The following SUSD3 variants were observed in gnomAD, a reference collection of about 807,000 sequenced individuals.
SUSD3 encodes sushi domain-containing protein 3.
A neutral mutation model predicts 20.6 loss-of-function variants in SUSD3; 18 were observed. The ratio of observed to expected loss-of-function variants is 0.87; its 90% CI spans 0.60 to 1.30. SUSD3 has a LOEUF of 1.30. Among genes scored for constraint, SUSD3 ranks in the 50% most tolerant of loss-of-function variants. The probability of loss-of-function intolerance (pLI) is 0.00; values close to 1 mark genes in which losing one functional copy is unlikely to be tolerated. For missense variants in SUSD3, 306 were observed against 346.9 expected, an observed-to-expected ratio of 0.88 and a Z score of 0.94; for synonymous variants, 137 against 141.5, an observed-to-expected ratio of 0.97 and a Z score of 0.23.
chr9:93,072,430 TG>T (rs555344127), intron 1 of SUSD3, among the ~76,000 whole-genome samples: 18 of 152,326 alleles, frequency 1.2e-4, no homozygotes, highest in African/African-American at 4.1e-4. Context: ...CATCCTTCAC[TG>T]TCACTACCAT....
chr9:93,058,781 G>A lies in SUSD3; in HGVS notation c.39G>A (p.Arg13=). 2 of 1,240,406 alleles carry A rather than the reference G, an allele frequency of 1.6e-6. No individual in the cohort carries two copies. The highest frequency in any genetic ancestry group is 3.5e-5 in the South Asian group (1 of 28,246). 76.8% of individuals were successfully genotyped at this position (1,240,406 alleles called of 1,614,324 possible). A position where few individuals can be genotyped will look rare whatever the true frequency, so the allele number is the denominator to read the frequency against. The change falls in exon 1 of 5, where the codon AGG becomes AGA. Residue 13 remains arginine, a synonymous_variant. Coordinates refer to ENST00000375472, the MANE Select transcript of SUSD3 (RefSeq NM_145006.4). ...CCGCCACCCTCCGTGGCAAGGCGAGGCCCCGGGGGCGGGCCGGGGTCACCA... is the reference window on the plus strand; with the variant it reads ...CCGCCACCCTCCGTGGCAAGGCGAGACCCCGGGGGCGGGCCGGGGTCACCA... ...WAAATLRGKA[R]PRGRAGVTTP...
chr9:93,074,638 T>TTTTTA (rs1826054059), intron 1 of SUSD3, among the ~76,000 whole-genome samples: 1 of 146,450 alleles, frequency 6.8e-6, no homozygotes, highest in African/African-American at 2.6e-5. Context: ...TTTTTTTTTT[T>TTTTTA]GAGATGCAGT....
chr9:93,059,982 C>T (rs909429060), intron 1 of SUSD3, among the ~76,000 whole-genome samples: 4 of 152,208 alleles, frequency 2.6e-5, no homozygotes, highest in Non-Finnish European at 5.9e-5. Flanking sequence ...AAGGCCTGCC[C>T]AGGGCCTGGT....
chr9:93,071,668 A>G (rs972658674), intron 1 of SUSD3, among the ~76,000 whole-genome samples: 17 of 152,134 alleles, frequency 1.1e-4, no homozygotes, highest in Non-Finnish European at 2.4e-4. Flanking sequence ...TTGACACTCA[A>G]TATTAACCAT....
chr9:93,080,502 C>G (rs746490399), intron 4 of SUSD3, among the ~76,000 whole-genome samples: 1 of 152,148 alleles, frequency 6.6e-6, no homozygotes, highest in Non-Finnish European at 1.5e-5. Flanking sequence ...GGCCAGTGGT[C>G]GCATGCAGAG....
chr9:93,058,735 C>A lies in SUSD3; in HGVS notation c.-8C>A. 8.1e-7 allele frequency: 1 copy of A among 1,232,272 alleles called. No individual in the cohort carries two copies. The highest frequency in any genetic ancestry group is 1.0e-6 in the Non-Finnish European group (1 of 987,166). 76.3% of individuals were successfully genotyped at this position (1,232,272 alleles called of 1,614,324 possible). A position where few individuals can be genotyped will look rare whatever the true frequency, so the allele number is the denominator to read the frequency against. ...GCAGACCCCGCCAAGCGCCTCGGAG[C>A]GCGCAGGATGCGCTGGGCGGCCGCC... On this transcript the variant is annotated 5_prime_UTR_variant, in exon 1 of 5. Coordinates refer to ENST00000375472, the MANE Select transcript of SUSD3 (RefSeq NM_145006.4).
chr9:93,078,045 C>T lies in SUSD3; in HGVS notation c.425+52C>T, dbSNP rs545820001. On this transcript the variant is annotated intron_variant, in intron 3 of 4. Transcript: ENST00000375472. ...CCTCCCGGGAGGCGCCTCTTGGCAC[C>T]ATGGGAGGAGGAAAGGACAGAGTGT... is the stretch of plus-strand genomic sequence containing the variant. 1.6e-5 allele frequency: 26 copies of T among 1,612,130 alleles called. No homozygotes were observed. In the South Asian group the frequency reaches 2.9e-4, roughly 18 times the overall value.
intron 1 of SUSD3, among the ~76,000 whole-genome samples, chr9:93,070,771 G>A (rs543167771): frequency 9.2e-5 from 14 of 152,336 alleles, no homozygotes; most frequent in African/African-American, 3.1e-4. Flanking sequence ...GTGTGGTGGA[G>A]GTGGACTAGG....
chr9:93,064,486 G>C (rs772444459), intron 1 of SUSD3, among the ~76,000 whole-genome samples: 1 of 152,258 alleles, frequency 6.6e-6, no homozygotes, highest in Non-Finnish European at 1.5e-5. Flanking sequence ...ACCACCTGCA[G>C]TTGCTGTCTG....
Position 93,058,798 on chromosome 9 carries a change from G to A in SUSD3, c.56G>A (p.Gly19Glu). ...AAGGCGAGGCCCCGGGGGCGGGCCG[G>A]GGTCACCACGCCTGCCCCAGGGAAC... is the stretch of plus-strand genomic sequence containing the variant. ...RGKARPRGRAGVTTPAPGNRT... is the reference protein window; with the variant it reads ...RGKARPRGRAEVTTPAPGNRT... The change falls in exon 1 of 5, where the codon GGG becomes GAG. Residue 19 changes from glycine to glutamate, a missense_variant. By Grantham distance (98) the Gly-to-Glu change is moderately conservative. Coordinates refer to ENST00000375472, the MANE Select transcript of SUSD3 (RefSeq NM_145006.4). 4 of 1,247,512 alleles carry A rather than the reference G, an allele frequency of 3.2e-6. No homozygotes were observed. Among genetic ancestry groups the A allele is most frequent in the Non-Finnish European group, 1.0e-6 (1 of 995,710 alleles). The allele number at this position is 1,247,512 out of a possible 1,614,324, so 77.3% of individuals were successfully genotyped here.
chr9:93,083,293 C>T (rs1826497187), intron 4 of SUSD3, among the ~76,000 whole-genome samples: 1 of 152,126 alleles, frequency 6.6e-6, no homozygotes. Flanking sequence ...TCAGAGAAGG[C>T]GGGTCCTGCC....
chr9:93,065,620 C>G lies in SUSD3; in HGVS notation c.88+6790C>G, dbSNP rs550859054. On this transcript the variant is annotated intron_variant, in intron 1 of 4. Transcript: ENST00000375472. Reference sequence around the variant, plus strand: ...AGGGGGCCACGTGGCCAGCCCGTGGCTGCCCTGCTGTGTCTGCCAGGGCTC... The same window carrying G: ...AGGGGGCCACGTGGCCAGCCCGTGGGTGCCCTGCTGTGTCTGCCAGGGCTC... 3.3e-4 allele frequency among the ~76,000 whole-genome samples: 51 copies of G among 152,386 alleles called. No homozygotes were observed. In the South Asian group the frequency reaches 9.3e-3, roughly 28 times the overall value.
intron 1 of SUSD3, among the ~76,000 whole-genome samples, chr9:93,068,261 T>C (rs190263410): frequency 6.6e-6 from 1 of 152,350 alleles, no homozygotes; most frequent in East Asian, 1.9e-4. Flanking sequence ...GTGTTAGATC[T>C]AAGAAACCAT....
intron 1 of SUSD3, 30 bp downstream of exon 1, chr9:93,058,860 G>T: frequency 8.2e-7 from 1 of 1,219,436 alleles, no homozygotes; most frequent in Non-Finnish European, 1.0e-6. Flanking sequence ...GGCCGCGTGC[G>T]GGGCTCTGCG....
At chr9:93,080,917 T>C (rs1347326847) in intron 4 of SUSD3, among the ~76,000 whole-genome samples, 3 of 152,260 alleles carry the variant, frequency 2.0e-5, no homozygotes, top group Non-Finnish European at 4.4e-5. Flanking sequence ...CATGAACTCA[T>C]GAATATTCTT....
At chr9:93,080,361 T>C (rs2119000405) in intron 4 of SUSD3, among the ~76,000 whole-genome samples, 1 of 145,452 alleles carries the variant, frequency 6.9e-6, no homozygotes. Flanking sequence ...AGAAATCTAA[T>C]ATTGATTGCA....
At chr9:93,078,948 C>T (rs930923474) in intron 3 of SUSD3, among the ~76,000 whole-genome samples, 1 of 151,990 alleles carries the variant, frequency 6.6e-6, no homozygotes, top group African/African-American at 2.4e-5. Flanking sequence ...TACAAGCGCC[C>T]GCCACCATGC....
rs982040247 is a variant in SUSD3, at chr9:93,058,757, C to T, written c.15C>T (p.Ala5=). The T allele has an allele frequency of 2.4e-6, 3 of 1,236,458 alleles. No homozygotes were observed. Among genetic ancestry groups the T allele is most frequent in the South Asian group, 3.7e-5 (1 of 26,990 alleles). The allele number at this position is 1,236,458 out of a possible 1,614,324, so 76.6% of individuals were successfully genotyped here. A position where few individuals can be genotyped will look rare whatever the true frequency, so the allele number is the denominator to read the frequency against. The change falls in exon 1 of 5, where the codon GCC becomes GCT. Residue 5 remains alanine (A), a synonymous_variant. Coordinates refer to ENST00000375472, the MANE Select transcript of SUSD3 (RefSeq NM_145006.4). ...GAGCGCGCAGGATGCGCTGGGCGGC[C>T]GCCACCCTCCGTGGCAAGGCGAGGC... MRWA[A]ATLRGKARPR...
chr9:93,062,681 G>T (rs1350771856), intron 1 of SUSD3, among the ~76,000 whole-genome samples: 1 of 152,136 alleles, frequency 6.6e-6, no homozygotes, highest in Admixed American at 6.5e-5. Context: ...CATCAGGCAT[G>T]GGGAGGGGCT....
Sources: gnomAD v4.1 joint callset for allele counts (sites outside exome capture counted in the v4.1 genomes callset) on GRCh38, gnomAD v4.1.1 for gene constraint, MANE v1.5 for transcripts, NCBI Gene and HGNC (gene_info 2026-07-23, HGNC 2026-07-21) for gene names.